The following CCDC146 variants were observed in gnomAD, a reference collection of about 807,000 sequenced individuals.
CCDC146 encodes the protein coiled-coil domain-containing protein 146.
A neutral mutation model predicts 119.3 loss-of-function variants in CCDC146; 92 were observed. That is an observed-to-expected ratio of 0.77 (90% confidence interval 0.65 to 0.92). The LOEUF (loss-of-function observed/expected upper bound fraction) is 0.92. Ranked by LOEUF, CCDC146 falls within the 40% of genes least tolerant of loss-of-function variation. The pLI is 0.00. For missense variants in CCDC146, 1,000 were observed against 1,103.0 expected (o/e 0.91, Z 1.32); for synonymous variants, 372 against 371.8 (o/e 1.00, Z -0.01).
chr7:77,143,885 A>C (rs60454874), intron 1 of CCDC146, among the ~76,000 whole-genome samples: 24 of 151,798 alleles, frequency 1.6e-4, no homozygotes, highest in African/African-American at 5.6e-4. Context: ...CTTAGGATTG[A>C]CTTGGCAATG....
intron 2 of CCDC146, chr7:77,193,740 G>C (rs1022150405): frequency 3.3e-5 from 5 of 152,034 alleles, no homozygotes; most frequent in African/African-American, 9.7e-5. Context: ...GAATTTCTAA[G>C]GACCCAGTTT....
intron 3 of CCDC146, among the ~76,000 whole-genome samples, 159 bp from the exon 4 acceptor site, chr7:77,241,532 G>T (rs1428382708): frequency 6.6e-6 from 1 of 152,014 alleles, no homozygotes; most frequent in African/African-American, 2.4e-5. Flanking sequence ...CACAGATGTG[G>T]ACTCACGGAC....
intron 17 of CCDC146, 25 bp downstream of exon 17, chr7:77,287,602 C>T (rs765422579): frequency 1.2e-6 from 2 of 1,604,658 alleles, no homozygotes; most frequent in South Asian, 2.2e-5. Flanking sequence ...CTGCCTTTTC[C>T]CTTCTGCCCC....
intron 1 of CCDC146, among the ~76,000 whole-genome samples, chr7:77,152,719 C>T (rs1254709010): frequency 1.3e-5 from 2 of 152,068 alleles, no homozygotes; most frequent in South Asian, 2.1e-4. Context: ...AAATTCATGC[C>T]TAAAAGGACC....
At chr7:77,227,393 C>A (rs548953440) in intron 2 of CCDC146, among the ~76,000 whole-genome samples, 1 of 152,352 alleles carries the variant, frequency 6.6e-6, no homozygotes, top group East Asian at 1.9e-4. Flanking sequence ...GCAAGCTCCA[C>A]TTCCTGGGTT....
At chr7:77,282,856 G>C (rs1793788100) in intron 15 of CCDC146, 71 bp downstream of exon 15, 3 of 1,011,392 alleles carry the variant, frequency 3.0e-6, no homozygotes, top group Admixed American at 2.1e-5. Flanking sequence ...TTGTGGGTGA[G>C]TTCTTGCATG....
chr7:77,235,880 G>A (rs1333244452), intron 2 of CCDC146, among the ~76,000 whole-genome samples: 3 of 152,062 alleles, frequency 2.0e-5, no homozygotes, highest in Admixed American at 2.0e-4. Context: ...GACCAGCCTG[G>A]CTAACATGGT....
chr7:77,219,988 G>A (rs1205697013), intron 2 of CCDC146, among the ~76,000 whole-genome samples: 1 of 152,182 alleles, frequency 6.6e-6, no homozygotes, highest in Non-Finnish European at 1.5e-5. Flanking sequence ...TGTCCTGCTG[G>A]GCACACATTG....
At chr7:77,182,811 G>A (rs115458846) in intron 2 of CCDC146, among the ~76,000 whole-genome samples, 4 of 151,808 alleles carry the variant, frequency 2.6e-5, no homozygotes, top group Admixed American at 2.0e-4. Context: ...AAAAAATTTG[G>A]ATGTGGTGGA....
chr7:77,181,847 A>G (rs1791594506), intron 2 of CCDC146, among the ~76,000 whole-genome samples: 1 of 152,142 alleles, frequency 6.6e-6, no homozygotes, highest in South Asian at 2.1e-4. Context: ...ATTTTGTGTC[A>G]TACCTTAAAG....
In CCDC146 at chr7:77,192,725, C is replaced by A. The variant is rs552213211; in HGVS notation, c.156+24901C>A. On this transcript the variant is annotated intron_variant, in intron 2 of 18. Transcript: ENST00000285871. ...GGATCACGAGGTCAGGAGATCGAGACCATCCTGGCTAACATGGTGAAACCC... is the reference window on the plus strand; with the variant it reads ...GGATCACGAGGTCAGGAGATCGAGAACATCCTGGCTAACATGGTGAAACCC... Among the ~76,000 whole-genome samples, 22 of 152,140 alleles carry A rather than the reference C, an allele frequency of 1.4e-4. 1 individual carries two copies. The South Asian group carries it at 4.6e-3, about 32-fold the overall frequency.
chr7:77,206,226 T>A (rs897187393), intron 2 of CCDC146, among the ~76,000 whole-genome samples: 1 of 152,238 alleles, frequency 6.6e-6, no homozygotes, highest in African/African-American at 2.4e-5. Flanking sequence ...TTCTTGAAAC[T>A]GCCTATGTAT....
At chr7:77,198,952 A>G in intron 2 of CCDC146, 1 of 542,248 alleles carries the variant, frequency 1.8e-6, no homozygotes. Flanking sequence ...ATAAGATCTT[A>G]AAATTGAAAG....
At chr7:77,290,042 C>T (rs1468799770) in intron 17 of CCDC146, among the ~76,000 whole-genome samples, 1 of 149,316 alleles carries the variant, frequency 6.7e-6, no homozygotes, top group Non-Finnish European at 1.5e-5. Context: ...TACATATACA[C>T]CATGGAATAC....
chr7:77,254,433 A>G, intron 4 of CCDC146, 73 bp from the exon 5 acceptor site: 1 of 816,222 alleles, frequency 1.2e-6, no homozygotes, highest in Non-Finnish European at 2.0e-6. Context: ...TGGGATGAGA[A>G]GATAGAAAGT....
chr7:77,258,418 A>C (rs1316808991), intron 6 of CCDC146, among the ~76,000 whole-genome samples: 1 of 152,216 alleles, frequency 6.6e-6, no homozygotes, highest in Non-Finnish European at 1.5e-5. Context: ...CAGTGGTGTG[A>C]AAGCAGTATG....
At chr7:77,131,670 A>T (rs1790787481) in intron 1 of CCDC146, among the ~76,000 whole-genome samples, 1 of 152,274 alleles carries the variant, frequency 6.6e-6, no homozygotes, top group Admixed American at 6.5e-5. Context: ...GTGAACCAAG[A>T]TCGTGCCACT....
chr7:77,285,044 A>AT (rs1211146784), intron 15 of CCDC146, among the ~76,000 whole-genome samples: 14 of 150,946 alleles, frequency 9.3e-5, no homozygotes, highest in Non-Finnish European at 4.4e-5. Flanking sequence ...TAAGGTTTGC[A>AT]TTTTTTTCGG....
At chr7:77,224,915 G>T (rs2150467173) in intron 2 of CCDC146, among the ~76,000 whole-genome samples, 1 of 152,302 alleles carries the variant, frequency 6.6e-6, no homozygotes. Context: ...AGGTTGCTGA[G>T]TGATGAAAGG....
Sources: gnomAD v4.1 joint callset for allele counts (sites outside exome capture counted in the v4.1 genomes callset) on GRCh38, gnomAD v4.1.1 for gene constraint, MANE v1.5 for transcripts, NCBI Gene and HGNC (gene_info 2026-07-23, HGNC 2026-07-21) for gene names.